The following DLC1 variants were observed in gnomAD, a reference collection of about 807,000 sequenced individuals.
DLC1 encodes the protein DLC1 Rho GTPase activating protein, also known as rho GTPase-activating protein 7.
A neutral mutation model predicts 140.3 loss-of-function variants in DLC1; 54 were observed. The ratio of observed to expected loss-of-function variants is 0.38; its 90% CI spans 0.31 to 0.48. The LOEUF (loss-of-function observed/expected upper bound fraction) is 0.48, where lower values mean the gene tolerates loss of function less well. Among genes scored for constraint, DLC1 ranks in the 20% least tolerant of loss-of-function variants. The probability of loss-of-function intolerance (pLI) is 0.96; values close to 1 mark genes in which losing one functional copy is unlikely to be tolerated. For synonymous variants in DLC1, 986 were observed against 728.1 expected, an observed-to-expected ratio of 1.35 and a Z score of -5.70; for missense variants, 2,536 against 1,907.0, an observed-to-expected ratio of 1.33 and a Z score of -6.14.
intron 4 of DLC1, among the ~76,000 whole-genome samples, chr8:13,336,126 AT>A (rs1833803081): frequency 1.3e-5 from 2 of 152,086 alleles, no homozygotes; most frequent in African/African-American, 2.4e-5. Flanking sequence ...TGAATTAATT[AT>A]TTTCCTTGTA....
intron 4 of DLC1, among the ~76,000 whole-genome samples, chr8:13,321,642 G>C (rs1448091524): frequency 6.6e-6 from 1 of 150,880 alleles, no homozygotes; most frequent in African/African-American, 2.4e-5. Flanking sequence ...CCTCTTTCCA[G>C]TTAGCAGCAT....
chr8:13,207,998 C>G (rs982128324), intron 5 of DLC1, among the ~76,000 whole-genome samples: 1 of 152,082 alleles, frequency 6.6e-6, no homozygotes, highest in African/African-American at 2.4e-5. Flanking sequence ...CTATTTGGTT[C>G]AAAGTGCAAA....
intron 2 of DLC1, among the ~76,000 whole-genome samples, chr8:13,421,476 T>A (rs1838318468): frequency 6.6e-6 from 1 of 152,090 alleles, no homozygotes; most frequent in South Asian, 2.1e-4. Flanking sequence ...AGTCCATGGG[T>A]GAGATTAAAA....
At chr8:13,230,311 A>G (rs943554685) in intron 5 of DLC1, among the ~76,000 whole-genome samples, 1 of 152,234 alleles carries the variant, frequency 6.6e-6, no homozygotes, top group Non-Finnish European at 1.5e-5. Context: ...AAGAGTCCAG[A>G]ACATCTTGTA....
At chr8:13,596,603 A>G (rs1390754047) in intron 1 of DLC1, among the ~76,000 whole-genome samples, 1 of 152,032 alleles carries the variant, frequency 6.6e-6, no homozygotes, top group Admixed American at 6.6e-5. Flanking sequence ...AGAGCATGTG[A>G]GCTTAGAAAG....
In DLC1 at chr8:13,387,280, A is replaced by C. The variant is rs147786550; in HGVS notation, c.1314+6273T>G. The stretch of plus-strand genomic sequence containing the variant: ...AACATTTCCAGTTTCTACTTGTAAA[A>C]GACAGTACTTTATCCTTCTGTTTTG... On this transcript the variant is annotated intron_variant, in intron 4 of 17. Transcript: ENST00000276297. 3.4e-4 allele frequency among the ~76,000 whole-genome samples: 52 copies of C among 152,162 alleles called. No individual in the cohort carries two copies. The East Asian group carries it at 8.5e-3, about 25-fold the overall frequency.
intron 2 of DLC1, among the ~76,000 whole-genome samples, chr8:13,464,599 T>A (rs931385838): frequency 6.6e-6 from 1 of 151,822 alleles, no homozygotes; most frequent in African/African-American, 2.4e-5. Flanking sequence ...CCCGCCACCA[T>A]GGAAATGGAA....
intron 2 of DLC1, among the ~76,000 whole-genome samples, chr8:13,458,441 C>G (rs1456296063): frequency 1.3e-5 from 2 of 152,048 alleles, no homozygotes; most frequent in African/African-American, 2.4e-5. Flanking sequence ...TTTTTTGGAG[C>G]CTTGGTAAGA....
At chr8:13,163,681 C>G (rs1434935026) in intron 5 of DLC1, among the ~76,000 whole-genome samples, 2 of 152,038 alleles carry the variant, frequency 1.3e-5, no homozygotes, top group Admixed American at 6.6e-5. Context: ...GGAGAAGGAG[C>G]TAGCTAGATC....
chr8:13,306,194 A>G (rs1411987918), intron 4 of DLC1, among the ~76,000 whole-genome samples: 1 of 152,194 alleles, frequency 6.6e-6, no homozygotes, highest in African/African-American at 2.4e-5. Flanking sequence ...GGGTTAGTTG[A>G]CTGATGTGAA....
chr8:13,467,254 A>G (rs1026393803), intron 2 of DLC1, among the ~76,000 whole-genome samples: 2 of 152,190 alleles, frequency 1.3e-5, no homozygotes, highest in Non-Finnish European at 2.9e-5. Context: ...AATCAGCTTC[A>G]AAAATTTGAT....
chr8:13,448,025 T>C lies in DLC1; in HGVS notation c.1024-46406A>G, dbSNP rs906417111. Among the ~76,000 whole-genome samples the C allele has an allele frequency of 2.0e-5, 3 of 152,188 alleles. No homozygotes were observed. The East Asian group carries it at 5.8e-4, about 29-fold the overall frequency. ...TCTGAAACACCCAAGGCCTAGAATA[T>C]TTGGAAGCATGGATAACTAAATGTT... On this transcript the variant is annotated intron_variant, in intron 2 of 17. Coordinates refer to ENST00000276297, the MANE Select transcript of DLC1 (RefSeq NM_182643.3).
intron 1 of DLC1, among the ~76,000 whole-genome samples, chr8:13,504,004 A>G (rs2117219896): frequency 6.6e-6 from 1 of 152,318 alleles, no homozygotes; most frequent in African/African-American, 2.4e-5. Context: ...CTACTATTCT[A>G]GAATTACCTC....
chr8:13,500,807 G>A (rs1443152215), intron 1 of DLC1, among the ~76,000 whole-genome samples: 6 of 118,246 alleles, frequency 5.1e-5, no homozygotes, highest in East Asian at 2.6e-4. Flanking sequence ...GGATTAGAAA[G>A]CATAACACAT....
intron 6 of DLC1, among the ~76,000 whole-genome samples, chr8:13,115,112 G>T (rs1820439805): frequency 6.6e-6 from 1 of 151,974 alleles, no homozygotes; most frequent in East Asian, 1.9e-4. Context: ...ATAAACAGTG[G>T]TTTCTTGTGT....
At chr8:13,175,568 A>G (rs1825715045) in intron 5 of DLC1, among the ~76,000 whole-genome samples, 1 of 152,180 alleles carries the variant, frequency 6.6e-6, no homozygotes, top group African/African-American at 2.4e-5. Flanking sequence ...CAACTTAAAA[A>G]AATAACTCTA....
intron 1 of DLC1, among the ~76,000 whole-genome samples, chr8:13,603,774 G>T (rs377445480): frequency 5.9e-5 from 9 of 152,092 alleles, no homozygotes; most frequent in Non-Finnish European, 1.3e-4. Context: ...TGTAAGGAAA[G>T]CCATGGTATC....
At chr8:13,591,362 C>T (rs1005959211) in intron 1 of DLC1, among the ~76,000 whole-genome samples, 6 of 152,054 alleles carry the variant, frequency 3.9e-5, no homozygotes, top group African/African-American at 9.7e-5. Context: ...TCAAGATGTT[C>T]TTGTGATAGT....
At chr8:13,345,447 G>A (rs1834284469) in intron 4 of DLC1, among the ~76,000 whole-genome samples, 1 of 151,660 alleles carries the variant, frequency 6.6e-6, no homozygotes, top group South Asian at 2.1e-4. Context: ...AAGGAGCCAG[G>A]AGCCAGTTCA....
Sources: gnomAD v4.1 joint callset for allele counts (sites outside exome capture counted in the v4.1 genomes callset) on GRCh38, gnomAD v4.1.1 for gene constraint, MANE v1.5 for transcripts, NCBI Gene and HGNC (gene_info 2026-07-23, HGNC 2026-07-21) for gene names.